TIMMDC1: variants seen among roughly 807,000 people sequenced by gnomAD.
TIMMDC1 encodes the protein complex I assembly factor TIMMDC1, mitochondrial.
A neutral mutation model predicts 32.6 loss-of-function variants in TIMMDC1; 25 were observed. The observed-to-expected ratio is 0.77, with a 90% confidence interval of 0.56 to 1.07. TIMMDC1 has a LOEUF of 1.07. TIMMDC1 is among the 50% of genes least tolerant of loss of function. The pLI is 0.00. For synonymous variants in TIMMDC1, 130 were observed against 127.6 expected (o/e 1.02, Z -0.13); for missense variants, 329 against 349.2 (o/e 0.94, Z 0.46).
intron 4 of TIMMDC1, among the ~76,000 whole-genome samples, chr3:119,507,026 G>A (rs1346697227): frequency 6.6e-6 from 1 of 152,070 alleles, no homozygotes; most frequent in Non-Finnish European, 1.5e-5. Flanking sequence ...GTTCTATTTA[G>A]CTGTCTTTCC....
At chr3:119,502,503 A>T (rs1338773435) in intron 2 of TIMMDC1, among the ~76,000 whole-genome samples, 2 of 151,716 alleles carry the variant, frequency 1.3e-5, no homozygotes, top group Non-Finnish European at 2.9e-5. Context: ...AAGGGTTGGG[A>T]TTATAGGTGT....
At chr3:119,503,449 A>G in intron 2 of TIMMDC1, 83 bp from the exon 3 acceptor site, 1 of 991,874 alleles carries the variant, frequency 1.0e-6, no homozygotes, top group Non-Finnish European at 1.5e-6. Context: ...ACTAATCCAT[A>G]GCTAAAATTC....
chr3:119,505,495 A>G (rs556883359), intron 4 of TIMMDC1, among the ~76,000 whole-genome samples: 1 of 151,924 alleles, frequency 6.6e-6, no homozygotes, highest in Non-Finnish European at 1.5e-5. Context: ...CCTCCCTAGT[A>G]GCTGGGATTA....
chr3:119,502,290 C>T (rs1168440254), intron 2 of TIMMDC1, among the ~76,000 whole-genome samples: 2 of 151,628 alleles, frequency 1.3e-5, no homozygotes, highest in African/African-American at 4.8e-5. Flanking sequence ...AGTACAGTGG[C>T]ACAATCTTGG....
chr3:119,513,563 T>C, intron 4 of TIMMDC1, 78 bp from the exon 5 acceptor site: 1 of 1,133,672 alleles, frequency 8.8e-7, no homozygotes, highest in South Asian at 1.3e-5. Context: ...AGGGATTTCC[T>C]TTTTGTAGAA....
At chr3:119,502,136 T>C (rs6777140) in intron 2 of TIMMDC1, among the ~76,000 whole-genome samples, 16,110 of 152,240 alleles carry the variant, frequency 0.11, 2,090 homozygotes, top group African/African-American at 0.31. Context: ...TTCTACTACT[T>C]AAATGCTATT....
chr3:119,513,449 C>G (rs2081966856), intron 4 of TIMMDC1, among the ~76,000 whole-genome samples, 192 bp from the exon 5 acceptor site: 1 of 152,132 alleles, frequency 6.6e-6, no homozygotes, highest in Non-Finnish European at 1.5e-5. Context: ...ATGTGTCTTC[C>G]TTTGAATCTG....
chr3:119,505,824 T>A (rs1301636912), intron 4 of TIMMDC1, among the ~76,000 whole-genome samples: 1 of 152,236 alleles, frequency 6.6e-6, no homozygotes, highest in African/African-American at 2.4e-5. Context: ...GTCAGACAAC[T>A]TGCTTTATCT....
chr3:119,522,577 C>T (rs2082034185), intron 6 of TIMMDC1, among the ~76,000 whole-genome samples: 1 of 152,030 alleles, frequency 6.6e-6, no homozygotes. Context: ...ATGGTCCCAG[C>T]AGTATGAAAT....
At chr3:119,504,136 C>A in intron 4 of TIMMDC1, 115 bp downstream of exon 4, 3 of 744,372 alleles carry the variant, frequency 4.0e-6, no homozygotes, top group Non-Finnish European at 6.8e-6. Flanking sequence ...TACATCTCAT[C>A]AACATTGATG....
At chr3:119,505,300 C>T (rs562320017) in intron 4 of TIMMDC1, among the ~76,000 whole-genome samples, 1 of 151,754 alleles carries the variant, frequency 6.6e-6, no homozygotes. Context: ...TATATACACT[C>T]AATCACTAAC....
intron 6 of TIMMDC1, among the ~76,000 whole-genome samples, chr3:119,522,440 T>C (rs767369017): frequency 7.2e-5 from 11 of 152,024 alleles, no homozygotes; most frequent in Non-Finnish European, 1.5e-4. Flanking sequence ...ATTTAAGGGA[T>C]TGATTAATGA....
At chr3:119,511,890 TAAAC>T (rs1387439145) in intron 4 of TIMMDC1, among the ~76,000 whole-genome samples, 1 of 152,100 alleles carries the variant, frequency 6.6e-6, no homozygotes, top group Non-Finnish European at 1.5e-5. Context: ...TTGGAAAAAA[TAAAC>T]TAAGAGAATG....
At chr3:119,499,832 T>C (rs947222264) in intron 1 of TIMMDC1, among the ~76,000 whole-genome samples, 22 of 152,270 alleles carry the variant, frequency 1.4e-4, no homozygotes, top group African/African-American at 4.6e-4. Flanking sequence ...TAGCTTCTTA[T>C]GCATTTGAGA....
intron 1 of TIMMDC1, 31 bp downstream of exon 1, chr3:119,498,958 G>A (rs775188263): frequency 1.9e-6 from 3 of 1,606,632 alleles, no homozygotes; most frequent in African/African-American, 2.7e-5. Context: ...AAGTGGGGTA[G>A]GGGGCCGCGA....
Position 119,498,645 on chromosome 3 carries a change from C to A in TIMMDC1, c.-89C>A. 3 of 1,320,380 alleles carry A rather than the reference C, an allele frequency of 2.3e-6. No individual in the cohort carries two copies. Among genetic ancestry groups the A allele is most frequent in the South Asian group, 1.3e-5 (1 of 77,918 alleles). The allele number at this position is 1,320,380 out of a possible 1,614,324, so 81.8% of individuals were successfully genotyped here. On this transcript the variant is annotated 5_prime_UTR_variant, in exon 1 of 7. The change creates a premature stop within an existing upstream ORF in the 5' untranslated region. Coordinates refer to ENST00000494664, the MANE Select transcript of TIMMDC1 (RefSeq NM_016589.4). Reference sequence around the variant, plus strand: ...AACCTGGGTCAAATGCACGGATTCTCACCTCGTACAGTTACGCTCTCCCGC... The same window carrying A: ...AACCTGGGTCAAATGCACGGATTCTAACCTCGTACAGTTACGCTCTCCCGC...
At chr3:119,502,527 C>T (rs1000193972) in intron 2 of TIMMDC1, among the ~76,000 whole-genome samples, 26 of 152,048 alleles carry the variant, frequency 1.7e-4, no homozygotes, top group Admixed American at 1.1e-3. Flanking sequence ...CCACTGTGCC[C>T]AGCCTATTTT....
Position 119,498,686 on chromosome 3 carries a change from A to T in TIMMDC1, c.-48A>T. The T allele has an allele frequency of 3.2e-6, 5 of 1,580,198 alleles. No individual in the cohort carries two copies. The highest frequency in any genetic ancestry group is 4.3e-6 in the Non-Finnish European group (5 of 1,153,242). On this transcript the variant is annotated 5_prime_UTR_variant, in exon 1 of 7. Coordinates refer to ENST00000494664, the MANE Select transcript of TIMMDC1 (RefSeq NM_016589.4). ...GCTCTCCCGCGGCACGTCCGCGAGG[A>T]CTTGAAGTCCTGAGCGCTCAAGTTT...
intron 4 of TIMMDC1, among the ~76,000 whole-genome samples, chr3:119,509,261 A>G (rs1170797363): frequency 1.3e-5 from 2 of 152,170 alleles, no homozygotes; most frequent in Non-Finnish European, 2.9e-5. Context: ...ATGTCTTAGA[A>G]TCTGCCCAAG....
Sources: gnomAD v4.1 joint callset for allele counts (sites outside exome capture counted in the v4.1 genomes callset) on GRCh38, gnomAD v4.1.1 for gene constraint, MANE v1.5 for transcripts, NCBI Gene and HGNC (gene_info 2026-07-23, HGNC 2026-07-21) for gene names.